STPG2: variants seen among roughly 807,000 people sequenced by gnomAD.
STPG2 encodes sperm tail PG-rich repeat containing 2.
A neutral mutation model predicts 54.2 loss-of-function variants in STPG2; 56 were observed. The ratio of observed to expected loss-of-function variants is 1.03; its 90% CI spans 0.83 to 1.29. The LOEUF is 1.29. Among genes scored for constraint, STPG2 ranks in the 50% most tolerant of loss-of-function variants. STPG2 has a pLI of 0.00. For synonymous variants in STPG2, 200 were observed against 181.8 expected (o/e 1.10, Z -0.81); for missense variants, 596 against 544.9 (o/e 1.09, Z -0.93).
chr4:97,607,731 C>T (rs1733630531), intron 10 of STPG2, among the ~76,000 whole-genome samples: 2 of 151,962 alleles, frequency 1.3e-5, no homozygotes, highest in Non-Finnish European at 1.5e-5. Flanking sequence ...GATGGAAAAC[C>T]GTAATAGAAT....
chr4:97,488,849 G>A (rs1314187693), intron 4 of STPG2, among the ~76,000 whole-genome samples: 1 of 151,736 alleles, frequency 6.6e-6, no homozygotes, highest in Non-Finnish European at 1.5e-5. Context: ...CTAGCTGATG[G>A]TAAGTCAGAA....
At chr4:97,670,062 T>G (rs1391430576) in intron 10 of STPG2, among the ~76,000 whole-genome samples, 1 of 152,094 alleles carries the variant, frequency 6.6e-6, no homozygotes, top group East Asian at 1.9e-4. Context: ...AAAAAAATTG[T>G]AAGTATAATT....
chr4:98,010,872 G>A (rs1203040365), intron 5 of STPG2, among the ~76,000 whole-genome samples: 3 of 152,054 alleles, frequency 2.0e-5, no homozygotes, highest in Admixed American at 2.0e-4. Flanking sequence ...AAGCTAATAA[G>A]AACATAACTT....
chr4:97,547,807 C>T (rs748800073), intron 4 of STPG2, among the ~76,000 whole-genome samples: 1 of 152,084 alleles, frequency 6.6e-6, no homozygotes, highest in Non-Finnish European at 1.5e-5. Flanking sequence ...ATTTGTCATA[C>T]TCTAATTCGA....
At chr4:97,663,490 C>CA (rs1176946083) in intron 10 of STPG2, among the ~76,000 whole-genome samples, 3 of 151,978 alleles carry the variant, frequency 2.0e-5, no homozygotes, top group Non-Finnish European at 4.4e-5. Flanking sequence ...ATTTTTATAA[C>CA]AAAAAAGTAA....
At chr4:98,050,447 T>TA (rs1208445571) in intron 5 of STPG2, among the ~76,000 whole-genome samples, 1 of 134,978 alleles carries the variant, frequency 7.4e-6, no homozygotes, top group Non-Finnish European at 1.6e-5. Flanking sequence ...TTTTTTATTT[T>TA]TTAAAAAAAA....
At chr4:98,100,874 C>T (rs1739011686) in intron 5 of STPG2, among the ~76,000 whole-genome samples, 1 of 151,828 alleles carries the variant, frequency 6.6e-6, no homozygotes, top group Non-Finnish European at 1.5e-5. Flanking sequence ...CGAGGTTTCA[C>T]CATATTGGCC....
intron 10 of STPG2, among the ~76,000 whole-genome samples, chr4:97,708,733 TA>T (rs963612136): frequency 5.9e-5 from 9 of 151,892 alleles, no homozygotes; most frequent in Admixed American, 5.2e-4. Flanking sequence ...GGTGAAAATA[TA>T]ATTAAATTAC....
At chr4:97,857,811 C>A (rs1729382201) in intron 8 of STPG2, among the ~76,000 whole-genome samples, 1 of 151,916 alleles carries the variant, frequency 6.6e-6, no homozygotes, top group South Asian at 2.1e-4. Context: ...GAAAGGAAAT[C>A]AGAATTCTAT....
In STPG2 at chr4:97,622,312, A is replaced by G. The variant is rs79221367; in HGVS notation, c.1321-63195T>C. 6.1e-3 allele frequency among the ~76,000 whole-genome samples: 928 copies of G among 152,290 alleles called. 28 individuals carry two copies. In the East Asian group the frequency reaches 0.097, roughly 16 times the overall value. On this transcript the variant is annotated intron_variant, in intron 10 of 10. Transcript: ENST00000295268. ...CAAGAGAAAGAAATAAAAGGCATCC[A>G]AATAGGAAGAGAGGAAGTCAAACCA...
intron 8 of STPG2, among the ~76,000 whole-genome samples, chr4:97,892,589 T>A (rs1416878243): frequency 1.3e-5 from 2 of 152,212 alleles, no homozygotes; most frequent in Admixed American, 1.3e-4. Flanking sequence ...CATGCACAGC[T>A]AAGCTTAAGG....
intron 8 of STPG2, among the ~76,000 whole-genome samples, chr4:97,862,444 A>T (rs1340728395): frequency 6.6e-6 from 1 of 152,140 alleles, no homozygotes; most frequent in African/African-American, 2.4e-5. Flanking sequence ...AGATTCATAA[A>T]GCAAGTCCTT....
chr4:98,082,274 C>T lies in STPG2; in HGVS notation c.612+23679G>A, dbSNP rs184637265. 3.4e-3 allele frequency among the ~76,000 whole-genome samples: 514 copies of T among 152,034 alleles called. 2 individuals are homozygous for T. The highest frequency in any genetic ancestry group is 5.6e-3 in the Non-Finnish European group (382 of 67,988). ...GTCCTACCCCACTTTATAACCCCTA[C>T]ACAGAAGGAGCAACTCAAGACCTTG... On this transcript the variant is annotated intron_variant, in intron 5 of 10. Transcript: ENST00000295268.
intron 7 of STPG2, among the ~76,000 whole-genome samples, chr4:97,966,732 A>C (rs1734113458): frequency 6.6e-6 from 1 of 152,188 alleles, no homozygotes; most frequent in African/African-American, 2.4e-5. Context: ...TATTCTGAAA[A>C]AGGATTTTCA....
intron 10 of STPG2, among the ~76,000 whole-genome samples, chr4:97,700,656 T>C (rs1430829551): frequency 2.0e-5 from 3 of 152,202 alleles, no homozygotes; most frequent in Admixed American, 1.3e-4. Flanking sequence ...ATCAGTGTAA[T>C]AGACCAGTGT....
intron 9 of STPG2, among the ~76,000 whole-genome samples, chr4:97,735,395 T>C (rs1724949079): frequency 1.3e-5 from 2 of 151,212 alleles, no homozygotes; most frequent in African/African-American, 2.4e-5. Flanking sequence ...CTTTAGAGAC[T>C]CAGAAGGGAG....
At chr4:97,723,560 T>A (rs1028369264) in intron 9 of STPG2, among the ~76,000 whole-genome samples, 1 of 152,212 alleles carries the variant, frequency 6.6e-6, no homozygotes, top group African/African-American at 2.4e-5. Flanking sequence ...CTTTAATCCA[T>A]ATAGATTCCA....
intron 4 of STPG2, among the ~76,000 whole-genome samples, chr4:97,533,764 T>C (rs924370194): frequency 1.3e-5 from 2 of 152,152 alleles, no homozygotes; most frequent in African/African-American, 4.8e-5. Flanking sequence ...CTTACTATAA[T>C]TTTATTAAGA....
intron 10 of STPG2, among the ~76,000 whole-genome samples, chr4:97,629,339 G>T (rs1721181420): frequency 2.0e-5 from 3 of 152,002 alleles, no homozygotes; most frequent in South Asian, 2.1e-4. Context: ...TATTAATAAT[G>T]CAGAAAAAAG....
Sources: gnomAD v4.1 joint callset for allele counts (sites outside exome capture counted in the v4.1 genomes callset) on GRCh38, gnomAD v4.1.1 for gene constraint, MANE v1.5 for transcripts, NCBI Gene and HGNC (gene_info 2026-07-23, HGNC 2026-07-21) for gene names.